Variants in KDM4B observed in about 807,000 individuals in gnomAD.
KDM4B encodes the protein lysine-specific demethylase 4B.
In KDM4B, 32 loss-of-function variants were observed where a neutral mutation model predicts 125.2. The ratio of observed to expected loss-of-function variants is 0.26; its 90% confidence interval spans 0.19 to 0.34. The LOEUF (loss-of-function observed/expected upper bound fraction) is 0.34. Among genes scored for constraint, KDM4B ranks in the 10% least tolerant of loss-of-function variants. KDM4B has a pLI of 1.00. For synonymous variants in KDM4B, 721 were observed against 677.9 expected (o/e 1.06, Z -0.99); for missense variants, 1,190 against 1,577.7 (o/e 0.75, Z 4.16).
At chr19:5,036,596 G>A (rs1201149676) in intron 3 of KDM4B, among the ~76,000 whole-genome samples, 5 of 152,362 alleles carry the variant, frequency 3.3e-5, no homozygotes, top group East Asian at 1.9e-4. Context: ...TATACCACCC[G>A]CCGGCATCTG....
intron 1 of KDM4B, among the ~76,000 whole-genome samples, chr19:4,975,306 C>T (rs548393531): frequency 9.2e-5 from 14 of 152,282 alleles, no homozygotes; most frequent in Non-Finnish European, 1.9e-4. Flanking sequence ...TGGACACAAA[C>T]GTGAATTCCG....
At position 5,080,046 on chromosome 19, in the gene KDM4B, T is replaced by C. The variant is rs752817492; in HGVS notation, c.781-2321T>C. Among the ~76,000 whole-genome samples, 151 of 152,344 alleles carry C rather than the reference T, an allele frequency of 9.9e-4. 1 individual carries two copies. Among genetic ancestry groups the C allele is most frequent in the Non-Finnish European group, 8.7e-4 (59 of 68,024 alleles). Reference sequence around the variant, plus strand: ...GGGGGCCAGGCCCTGGGGCCACGTGTGTTCCCCCCCCACCCCTATTTTCTG... The same window carrying C: ...GGGGGCCAGGCCCTGGGGCCACGTGCGTTCCCCCCCCACCCCTATTTTCTG... On this transcript the variant is annotated intron_variant, in intron 8 of 22. Transcript: ENST00000159111.
At chr19:4,974,863 T>A (rs1162203424) in intron 1 of KDM4B, among the ~76,000 whole-genome samples, 4 of 151,982 alleles carry the variant, frequency 2.6e-5, no homozygotes, top group African/African-American at 7.2e-5. Flanking sequence ...TCTGGGCCCT[T>A]TCGCGTGGCC....
At chr19:5,111,206 G>A (rs934657209) in intron 10 of KDM4B, among the ~76,000 whole-genome samples, 2 of 152,242 alleles carry the variant, frequency 1.3e-5, no homozygotes, top group African/African-American at 4.8e-5. Context: ...CTCACTCACC[G>A]CATTTCTGCT....
chr19:5,029,430 C>T (rs949497595), intron 2 of KDM4B, among the ~76,000 whole-genome samples: 3 of 152,234 alleles, frequency 2.0e-5, no homozygotes, highest in African/African-American at 7.2e-5. Flanking sequence ...ATTCCCTCTT[C>T]CCTGTTTAGC....
At chr19:4,975,232 T>C (rs897994365) in intron 1 of KDM4B, among the ~76,000 whole-genome samples, 1 of 152,220 alleles carries the variant, frequency 6.6e-6, no homozygotes, top group African/African-American at 2.4e-5. Flanking sequence ...CCACTCTGCT[T>C]TGCCGTTGTA....
At chr19:4,992,367 A>C (rs1229141331) in intron 1 of KDM4B, among the ~76,000 whole-genome samples, 3 of 152,010 alleles carry the variant, frequency 2.0e-5, no homozygotes, top group Non-Finnish European at 4.4e-5. Flanking sequence ...TGCTTAAATT[A>C]ATATTTGAGA....
chr19:5,097,728 G>A (rs2038855129), intron 9 of KDM4B, among the ~76,000 whole-genome samples: 1 of 152,242 alleles, frequency 6.6e-6, no homozygotes, highest in Non-Finnish European at 1.5e-5. Flanking sequence ...GAGCGCGTTG[G>A]CCACCTTCCC....
chr19:5,020,481 C>T (rs2036080155), intron 2 of KDM4B, among the ~76,000 whole-genome samples: 1 of 152,144 alleles, frequency 6.6e-6, no homozygotes, highest in Admixed American at 6.5e-5. Context: ...GGCGGCTGCA[C>T]CCTTCAACAT....
intron 11 of KDM4B, among the ~76,000 whole-genome samples, chr19:5,126,528 A>G (rs1446546835): frequency 6.6e-6 from 1 of 152,202 alleles, no homozygotes; most frequent in African/African-American, 2.4e-5. Context: ...GAGGGTGGAA[A>G]GGCTGCGGTG....
Position 5,035,863 on chromosome 19 carries a change from C to CTGTGTGTGTGTG in KDM4B, c.141+2839_141+2850dup, listed in dbSNP as rs376827867. ...GGAGGGGCTGTGTGTGCACGTGTCT[C>CTGTGTGTGTGTG]TGTGTGTGTGTGTGTGTGCGCGCGC... On this transcript the variant is annotated intron_variant, in intron 3 of 22. Transcript: ENST00000159111. This position sits in a 1 kb window ranked among gnomAD's most constrained non-coding sequence, Gnocchi z 5.3. Among the ~76,000 whole-genome samples, 446 of 142,268 alleles carry CTGTGTGTGTGTG rather than the reference C, an allele frequency of 3.1e-3. 1 individual carries two copies. Among genetic ancestry groups the CTGTGTGTGTGTG allele is most frequent in the African/African-American group, 8.1e-3 (313 of 38,528 alleles). The allele number at this position is 142,268 out of a possible 152,430, so 93.3% of individuals were successfully genotyped here.
intron 1 of KDM4B, among the ~76,000 whole-genome samples, chr19:4,999,538 A>G (rs1001940675): frequency 6.6e-6 from 1 of 152,130 alleles, no homozygotes; most frequent in Non-Finnish European, 1.5e-5. Context: ...CTTTGCTTCT[A>G]GGTCCTCTAA....
In KDM4B at chr19:5,131,210, C is replaced by T; in HGVS notation, c.1450C>T (p.Pro484Ser). The T allele has an allele frequency of 6.2e-7, 1 of 1,605,438 alleles. No individual in the cohort carries two copies. Among genetic ancestry groups the T allele is most frequent in the Non-Finnish European group, 8.5e-7 (1 of 1,176,570 alleles). The change falls in exon 12 of 23, where the codon CCA becomes TCA. Residue 484 changes from proline (P) to serine (S), a missense_variant. Around this residue, in one of 7 missense-constraint regions of KDM4B, gnomAD observed 428 missense variants for 405.1 expected, o/e 1.06. Coordinates refer to ENST00000159111, the MANE Select transcript of KDM4B (RefSeq NM_015015.3). ...AGAGGAGGCGCTGTGGCTGCCATCC[C>T]CACTGGAGCCCCCGGTGCTGGGCCC... Reference protein sequence around the residue: ...PSEEALWLPSPLEPPVLGPGP... With the variant: ...PSEEALWLPSSLEPPVLGPGP...
intron 9 of KDM4B, among the ~76,000 whole-genome samples, chr19:5,104,940 C>G (rs1028253247): frequency 2.6e-5 from 4 of 152,208 alleles, no homozygotes; most frequent in African/African-American, 9.7e-5. Flanking sequence ...GCCATCCCAG[C>G]CGGAATGTGC....
At chr19:5,070,316 AAG>A (rs955843222) in intron 6 of KDM4B, among the ~76,000 whole-genome samples, 10 of 152,078 alleles carry the variant, frequency 6.6e-5, no homozygotes, top group Non-Finnish European at 1.0e-4. Context: ...CCCTGATGGG[AAG>A]AGAGTCCCAA....
At chr19:5,122,233 C>T (rs781073375) in intron 11 of KDM4B, among the ~76,000 whole-genome samples, 31 of 152,308 alleles carry the variant, frequency 2.0e-4, no homozygotes, top group Non-Finnish European at 3.2e-4. Flanking sequence ...GAGCCCCTTC[C>T]TCCTCCTTCA....
chr19:5,082,267 A>G lies in KDM4B; in HGVS notation c.781-100A>G. On this transcript the variant is annotated intron_variant, in intron 8 of 22. Coordinates refer to ENST00000159111, the MANE Select transcript of KDM4B (RefSeq NM_015015.3). The surrounding 1 kb of genome is among the most constrained non-coding windows in gnomAD (Gnocchi z 5.4). ...TGACTTTGTGAAACCCCCTTGGCTC[A>G]TAAGCCAGGCTCCCTGGCACTTGCT... 3.4e-6 allele frequency: 5 copies of G among 1,464,134 alleles called. No homozygotes were observed. Among genetic ancestry groups the G allele is most frequent in the Non-Finnish European group, 4.7e-6 (5 of 1,071,824 alleles). 90.7% of individuals were successfully genotyped at this position (1,464,134 alleles called of 1,614,324 possible). A position where few individuals can be genotyped will look rare whatever the true frequency, so the allele number is the denominator to read the frequency against.
chr19:5,022,145 T>C (rs2036142193), intron 2 of KDM4B, among the ~76,000 whole-genome samples: 1 of 152,208 alleles, frequency 6.6e-6, no homozygotes, highest in African/African-American at 2.4e-5. Context: ...ACTTGGGCCA[T>C]GTTCCTTGTG....
At chr19:5,039,145 G>A (rs748580077) in intron 3 of KDM4B, among the ~76,000 whole-genome samples, 3 of 152,210 alleles carry the variant, frequency 2.0e-5, no homozygotes, top group South Asian at 2.1e-4. Context: ...GAAGATTCCC[G>A]TTTTGAAAAA....
Sources: allele counts gnomAD v4.1 joint callset (sites outside exome capture counted in the v4.1 genomes callset), GRCh38; gene constraint gnomAD v4.1.1; regional missense constraint gnomAD v4.1.1; non-coding constraint Gnocchi (gnomAD v3.1); transcripts MANE v1.5; gene names NCBI Gene and HGNC (gene_info 2026-07-23, HGNC 2026-07-21).